Variants in RGMA observed in about 807,000 individuals in gnomAD.
RGMA encodes repulsive guidance molecule A.
Under a neutral mutation model 23.2 loss-of-function variants are expected in RGMA, and 10 were observed. That is an observed-to-expected ratio of 0.43 (90% CI 0.27 to 0.73). The LOEUF (loss-of-function observed/expected upper bound fraction) is 0.73. Among genes scored for constraint, RGMA ranks in the 30% least tolerant of loss-of-function variants. The probability of loss-of-function intolerance (pLI) is 0.20; values close to 1 mark genes in which losing one functional copy is unlikely to be tolerated. For synonymous variants in RGMA, 308 were observed against 279.3 expected (o/e 1.10, Z -1.03); for missense variants, 547 against 630.5 (o/e 0.87, Z 1.42).
rs1288689696 is a variant in RGMA at position 93,043,447 on chromosome 15, G to C, written c.*1551C>G. 6.6e-6 allele frequency: 1 copy of C among 152,512 alleles called. No homozygotes were observed. Among genetic ancestry groups the C allele is most frequent in the Non-Finnish European group, 1.5e-5 (1 of 68,044 alleles). The allele number at this position is 152,512 out of a possible 1,614,324, so 9.4% of individuals were successfully genotyped here. Reference sequence around the variant, plus strand: ...AAAAACCAAACTTTACTTGCATTTAGCCATTAATAAATAATTTACAGTATG... The same window carrying C: ...AAAAACCAAACTTTACTTGCATTTACCCATTAATAAATAATTTACAGTATG... On this transcript the variant is annotated 3_prime_UTR_variant, in exon 4 of 4. Coordinates refer to ENST00000329082, the MANE Select transcript of RGMA (RefSeq NM_020211.3).
chr15:93,041,652 T>C lies in RGMA; in HGVS notation c.*3346A>G, dbSNP rs1160297504. 1.3e-5 allele frequency: 2 copies of C among 152,276 alleles called. No individual in the cohort carries two copies. Among genetic ancestry groups the C allele is most frequent in the Non-Finnish European group, 2.9e-5 (2 of 68,084 alleles). The allele number at this position is 152,276 out of a possible 1,614,324, so 9.4% of individuals were successfully genotyped here. On this transcript the variant is annotated 3_prime_UTR_variant, in exon 4 of 4. Coordinates refer to ENST00000329082, the MANE Select transcript of RGMA (RefSeq NM_020211.3). ...TGCCCTGGCTTCTCAGGAACTGTTCTCTGTGCCGGACGAGCACCAATGGCT... is the reference window on the plus strand; with the variant it reads ...TGCCCTGGCTTCTCAGGAACTGTTCCCTGTGCCGGACGAGCACCAATGGCT...
In RGMA at chr15:93,039,430, A is replaced by G. The variant is rs2054698385; in HGVS notation, c.*5568T>C. ...GATTATACTTTCAGTTATGGGGTAC[A>G]CGTGCAGAACGCACAAGTTTGTTAC... is the stretch of plus-strand genomic sequence containing the variant. On this transcript the variant is annotated 3_prime_UTR_variant, in exon 4 of 4. Coordinates refer to ENST00000329082, the MANE Select transcript of RGMA (RefSeq NM_020211.3). 6.6e-6 allele frequency: 1 copy of G among 152,184 alleles called. No homozygotes were observed. The highest frequency in any genetic ancestry group is 6.5e-5 in the Admixed American group (1 of 15,282). The allele number at this position is 152,184 out of a possible 1,614,324, so 9.4% of individuals were successfully genotyped here.
chr15:93,048,349 G>T (rs1304421660), intron 3 of RGMA, among the ~76,000 whole-genome samples: 1 of 152,162 alleles, frequency 6.6e-6, no homozygotes, highest in Admixed American at 6.5e-5. Context: ...TGAACGAGGG[G>T]CAGGCTGCTG....
At chr15:93,055,137 G>T (rs2054992893) in intron 2 of RGMA, among the ~76,000 whole-genome samples, 1 of 152,158 alleles carries the variant, frequency 6.6e-6, no homozygotes, top group Non-Finnish European at 1.5e-5. Context: ...GAATCATGCA[G>T]ATGTGGGTGT....
In RGMA at chr15:93,072,923, G is replaced by A; in HGVS notation, c.123C>T (p.Phe41=). The change falls in exon 2 of 4, where the codon TTC becomes TTT. Residue 41 remains phenylalanine, a synonymous_variant. Coordinates refer to ENST00000329082, the MANE Select transcript of RGMA (RefSeq NM_020211.3). ...CGGCCGGCAGTGCCTTACCTGCGGGGAAGCTGCAGAGAAGGAAGGCGAGGG... is the reference window on the plus strand; with the variant it reads ...CGGCCGGCAGTGCCTTACCTGCGGGAAAGCTGCAGAGAAGGAAGGCGAGGG... ...WPTLAFLLCS[F]PAATSPCKIL... 1 of 1,606,192 alleles carries A rather than the reference G, an allele frequency of 6.2e-7. No individual in the cohort carries two copies. Among genetic ancestry groups the A allele is most frequent in the Non-Finnish European group, 8.5e-7 (1 of 1,176,818 alleles).
intron 2 of RGMA, among the ~76,000 whole-genome samples, chr15:93,071,330 C>T (rs1281586622): frequency 2.0e-5 from 3 of 152,208 alleles, no homozygotes; most frequent in Non-Finnish European, 4.4e-5. Flanking sequence ...TTCAACCAGA[C>T]TCTTAAGTAG....
chr15:93,079,559 C>T (rs1045890810), intron 1 of RGMA, among the ~76,000 whole-genome samples: 4 of 152,198 alleles, frequency 2.6e-5, no homozygotes, highest in African/African-American at 7.2e-5. Flanking sequence ...GTGGCTCACA[C>T]CTGTAATCCC....
At chr15:93,046,985 G>A (rs1241337924) in intron 3 of RGMA, among the ~76,000 whole-genome samples, 1 of 152,240 alleles carries the variant, frequency 6.6e-6, no homozygotes, top group Non-Finnish European at 1.5e-5. Context: ...CCAGTCTCGT[G>A]TGACACTGCA....
At chr15:93,055,687 G>A (rs74637249) in intron 2 of RGMA, among the ~76,000 whole-genome samples, 3,811 of 152,250 alleles carry the variant, frequency 0.025, 182 homozygotes, top group African/African-American at 0.087. Context: ...CCAGGAGCAG[G>A]AGGCCTGTGA....
At chr15:93,081,005 A>G (rs1360845186) in intron 1 of RGMA, among the ~76,000 whole-genome samples, 1 of 152,166 alleles carries the variant, frequency 6.6e-6, no homozygotes, top group Non-Finnish European at 1.5e-5. Flanking sequence ...CCCAGTACAA[A>G]AGCAATAGTA....
chr15:93,073,789 C>T, intron 1 of RGMA: 1 of 1,535,428 alleles, frequency 6.5e-7, no homozygotes, highest in East Asian at 2.4e-5. Flanking sequence ...CCAGCACCCC[C>T]TTCAAGCACC....
rs2141853728 is a variant in RGMA, at chr15:93,089,196, G to A, written c.-264C>T. 1 of 266,014 alleles carries A rather than the reference G, an allele frequency of 3.8e-6. No homozygotes were observed. Among genetic ancestry groups the A allele is most frequent in the South Asian group, 1.7e-4 (1 of 5,884 alleles). 16.5% of individuals were successfully genotyped at this position (266,014 alleles called of 1,614,324 possible). On this transcript the variant is annotated 5_prime_UTR_variant, in exon 1 of 4. Transcript: ENST00000329082. ...CTCGGGCGGCGCAGCCAGCGCTCGGGAGACAACTGCAGAGTGGGGCGGCCG... is the reference window on the plus strand; with the variant it reads ...CTCGGGCGGCGCAGCCAGCGCTCGGAAGACAACTGCAGAGTGGGGCGGCCG...
intron 2 of RGMA, chr15:93,066,477 C>CA: frequency 1.8e-6 from 1 of 551,012 alleles, no homozygotes; most frequent in Non-Finnish European, 3.4e-6. Flanking sequence ...GGCCAGGCAC[C>CA]AAGGGGGTCC....
chr15:93,084,722 C>T (rs1895611106), intron 1 of RGMA, among the ~76,000 whole-genome samples: 1 of 152,180 alleles, frequency 6.6e-6, no homozygotes, highest in African/African-American at 2.4e-5. Flanking sequence ...ATCTGCCCGC[C>T]TTGGCCTCCC....
intron 2 of RGMA, among the ~76,000 whole-genome samples, chr15:93,071,465 C>A (rs1895319129): frequency 6.6e-6 from 1 of 152,214 alleles, no homozygotes; most frequent in Non-Finnish European, 1.5e-5. Flanking sequence ...CCTCACCCGA[C>A]ATCTTGTCCT....
chr15:93,074,605 G>A (rs556234288), intron 1 of RGMA, among the ~76,000 whole-genome samples: 72 of 152,292 alleles, frequency 4.7e-4, no homozygotes, highest in African/African-American at 1.7e-3. Context: ...GTCTCAGATC[G>A]ACAAGCTCTA....
intron 2 of RGMA, among the ~76,000 whole-genome samples, chr15:93,070,432 T>C (rs1430642154): frequency 6.6e-6 from 1 of 152,168 alleles, no homozygotes; most frequent in Non-Finnish European, 1.5e-5. Context: ...TCTGGGTGCC[T>C]TCCACTTGCT....
chr15:93,074,093 G>A, intron 1 of RGMA: 1 of 1,067,548 alleles, frequency 9.4e-7, no homozygotes, highest in South Asian at 2.8e-5. Context: ...TTAAGGGACT[G>A]GTAACTTCCC....
Position 93,052,265 on chromosome 15 carries a change from G to C in RGMA, c.373C>G (p.Arg125Gly), listed in dbSNP as rs755179669. ...CSKDGPTSQP[R>G]LRTLPPAGDS... ...CCGGCCGGTGGGAGCGTGCGCAGGC[G>C]TGGCTGCGAGGTGGGGCCATCCTTG... The change falls in exon 3 of 4, where the codon CGC (arginine) becomes GGC (glycine). Residue 125 changes from arginine (R) to glycine (G), a missense_variant. Physicochemically the swap from Arg to Gly is moderately radical, Grantham distance 125. Transcript: ENST00000329082. 2.1e-5 allele frequency: 33 copies of C among 1,603,592 alleles called. No individual in the cohort carries two copies. The highest frequency in any genetic ancestry group is 1.5e-4 in the Admixed American group (9 of 59,850).
Sources: gnomAD v4.1 joint callset for allele counts (sites outside exome capture counted in the v4.1 genomes callset) on GRCh38, gnomAD v4.1.1 for gene constraint, MANE v1.5 for transcripts, NCBI Gene and HGNC (gene_info 2026-07-23, HGNC 2026-07-21) for gene names.